KLRG1: variants seen among roughly 807,000 people sequenced by gnomAD.
The protein encoded by KLRG1 is killer cell lectin-like receptor subfamily G member 1.
Under a neutral mutation model 21.8 loss-of-function variants are expected in KLRG1, and 16 were observed. The ratio of observed to expected loss-of-function variants is 0.73; its 90% CI spans 0.50 to 1.11. The LOEUF (loss-of-function observed/expected upper bound fraction) is 1.11. Ranked by LOEUF, KLRG1 falls within the 50% of genes most tolerant of loss-of-function variation. The pLI, the probability that KLRG1 is intolerant of heterozygous loss-of-function variation, is 0.00. For synonymous variants in KLRG1, 69 were observed against 75.9 expected (o/e 0.91, Z 0.47); for missense variants, 173 against 218.3 (o/e 0.79, Z 1.31).
chr12:9,004,945 T>TTA (rs1210005694), intron 3 of KLRG1, among the ~76,000 whole-genome samples: 1 of 152,124 alleles, frequency 6.6e-6, no homozygotes, highest in Admixed American at 6.5e-5. Flanking sequence ...CACATAATAA[T>TTA]TATATATATA....
chr12:9,163,523 G>T, the KLRG1 span: 1 of 902,388 alleles, frequency 1.1e-6, no homozygotes. Flanking sequence ...AATGTTGTCT[G>T]CTGCAATGCT....
At chr12:9,027,790 C>G in the KLRG1 span, 5 of 1,352,850 alleles carry the variant, frequency 3.7e-6, no homozygotes, top group East Asian at 1.1e-4. Flanking sequence ...ATATCCACCA[C>G]AACCACAGCT....
At chr12:9,198,949 C>G in the KLRG1 span, among the ~76,000 whole-genome samples, 1 of 152,098 alleles carries the variant, frequency 6.6e-6, no homozygotes, top group Non-Finnish European at 1.5e-5. Flanking sequence ...CCTGCGTGCT[C>G]CCTCTGGGAC....
chr12:9,158,732 C>T, the KLRG1 span, among the ~76,000 whole-genome samples: 4 of 145,786 alleles, frequency 2.7e-5, no homozygotes, highest in South Asian at 8.8e-4. Flanking sequence ...GCTTAGACAT[C>T]TCTTTTTCTT....
At chr12:9,088,557 C>T in the KLRG1 span, among the ~76,000 whole-genome samples, 1 of 152,068 alleles carries the variant, frequency 6.6e-6, no homozygotes, top group Non-Finnish European at 1.5e-5. Flanking sequence ...GAAAAACATA[C>T]TAAATTTGTA....
At chr12:9,088,381 A>G in the KLRG1 span, among the ~76,000 whole-genome samples, 1 of 152,194 alleles carries the variant, frequency 6.6e-6, no homozygotes, top group Admixed American at 6.5e-5. Flanking sequence ...AGATACATCA[A>G]AATGAGTAAC....
the KLRG1 span, among the ~76,000 whole-genome samples, chr12:9,104,795 TTTAATCTA>T: frequency 1.3e-5 from 2 of 152,154 alleles, no homozygotes; most frequent in African/African-American, 4.8e-5. Flanking sequence ...AATGAAATAT[TTTAATCTA>T]TTAATCTATT....
chr12:9,107,645 C>T, the KLRG1 span: 4 of 1,613,812 alleles, frequency 2.5e-6, no homozygotes, highest in Admixed American at 3.3e-5. Context: ...ATATGTGTAT[C>T]TGTCATGAGA....
the KLRG1 span, among the ~76,000 whole-genome samples, chr12:9,049,463 T>G: frequency 1.3e-5 from 2 of 152,204 alleles, no homozygotes; most frequent in Non-Finnish European, 2.9e-5. Context: ...TAAAGGGATG[T>G]GGTATTTCTT....
the KLRG1 span, among the ~76,000 whole-genome samples, chr12:9,193,845 A>G: frequency 3.9e-5 from 6 of 152,218 alleles, no homozygotes; most frequent in African/African-American, 1.2e-4. Flanking sequence ...GATTTTTTTC[A>G]TACTATATAA....
chr12:9,069,656 A>G, the KLRG1 span: 9 of 890,358 alleles, frequency 1.0e-5, no homozygotes, highest in South Asian at 3.7e-5. Context: ...CATGGAAGTG[A>G]TGTTTCTAAA....
chr12:9,089,023 G>A, the KLRG1 span, among the ~76,000 whole-genome samples: 425 of 152,208 alleles, frequency 2.8e-3, 2 homozygotes, highest in African/African-American at 9.8e-3. Context: ...GCAGGCCTAG[G>A]GATATTCTGA....
the KLRG1 span, among the ~76,000 whole-genome samples, chr12:9,020,141 G>T: frequency 1.3e-5 from 2 of 151,896 alleles, no homozygotes; most frequent in Non-Finnish European, 2.9e-5. Flanking sequence ...TGAACTCCTG[G>T]GCTCAAGTGA....
At chr12:9,161,155 A>ATGATT in the KLRG1 span, 1 of 1,446,220 alleles carries the variant, frequency 6.9e-7, no homozygotes, top group African/African-American at 1.4e-5. Context: ...GAGGACATCT[A>ATGATT]TGATTACAAT....
the KLRG1 span, among the ~76,000 whole-genome samples, chr12:9,119,819 C>T: frequency 6.6e-6 from 1 of 152,062 alleles, no homozygotes; most frequent in Non-Finnish European, 1.5e-5. Context: ...ATTATAATCA[C>T]AGATAAAAAG....
the KLRG1 span, among the ~76,000 whole-genome samples, chr12:9,210,534 GC>G: frequency 1.3e-4 from 20 of 152,080 alleles, no homozygotes; most frequent in Non-Finnish European, 2.2e-4. Flanking sequence ...ACACAGAATT[GC>G]CCCTTTGGGT....
At chr12:9,160,985 CA>C in the KLRG1 span, 9 of 1,373,006 alleles carry the variant, frequency 6.6e-6, no homozygotes, top group Admixed American at 1.5e-4. Flanking sequence ...ATAAGATGTA[CA>C]GTGGCAACTC....
chr12:9,055,161 T>G, the KLRG1 span, among the ~76,000 whole-genome samples: 1 of 152,166 alleles, frequency 6.6e-6, no homozygotes, highest in Non-Finnish European at 1.5e-5. Flanking sequence ...TCCATGAAAT[T>G]GTCGTAATAT....
At chr12:9,207,107 A>G in the KLRG1 span, among the ~76,000 whole-genome samples, 1 of 152,266 alleles carries the variant, frequency 6.6e-6, no homozygotes, top group South Asian at 2.1e-4. Context: ...TGAACTCCTT[A>G]TTTCTGCTTT....
Sources: gnomAD v4.1 joint callset for allele counts (sites outside exome capture counted in the v4.1 genomes callset) on GRCh38, gnomAD v4.1.1 for gene constraint, MANE v1.5 for transcripts, NCBI Gene and HGNC (gene_info 2026-07-23, HGNC 2026-07-21) for gene names.